Variants in NFATC3 observed in about 807,000 individuals in gnomAD.
The protein encoded by NFATC3 is nuclear factor of activated T cells 3.
In NFATC3, 46 loss-of-function variants were observed where a neutral mutation model predicts 98.6. The observed-to-expected ratio is 0.47, with a 90% CI of 0.37 to 0.60. The LOEUF (loss-of-function observed/expected upper bound fraction) is 0.60, where lower values mean the gene tolerates loss of function less well. NFATC3 is among the 20% of genes least tolerant of loss of function. NFATC3 has a pLI of 0.00. For synonymous variants in NFATC3, 512 were observed against 472.2 expected, an observed-to-expected ratio of 1.08 and a Z score of -1.09; for missense variants, 1,256 against 1,295.5, an observed-to-expected ratio of 0.97 and a Z score of 0.47.
At chr16:68,102,424 T>A (rs2151464779) in intron 1 of NFATC3, among the ~76,000 whole-genome samples, 1 of 150,522 alleles carries the variant, frequency 6.6e-6, no homozygotes, top group Middle Eastern at 3.4e-3. Flanking sequence ...CCCTCACACT[T>A]AATTTTGGCT....
chr16:68,112,903 G>A (rs1196239108), intron 1 of NFATC3, among the ~76,000 whole-genome samples: 1 of 151,678 alleles, frequency 6.6e-6, no homozygotes, highest in Non-Finnish European at 1.5e-5. Context: ...TGGTTGTATT[G>A]TGAAGCTCTC....
intron 4 of NFATC3, among the ~76,000 whole-genome samples, chr16:68,163,842 A>G (rs1374133837): frequency 8.7e-5 from 11 of 126,556 alleles, no homozygotes; most frequent in African/African-American, 1.5e-4. Context: ...CCTAGATGGG[A>G]TGGCGGCCGG....
chr16:68,170,326 G>C (rs1211340826), intron 5 of NFATC3, among the ~76,000 whole-genome samples: 1 of 146,274 alleles, frequency 6.8e-6, no homozygotes, highest in Non-Finnish European at 1.5e-5. Flanking sequence ...GGGAGGCTGG[G>C]TTGCAGTGAG....
intron 3 of NFATC3, among the ~76,000 whole-genome samples, chr16:68,140,176 T>C (rs2037674109): frequency 6.6e-6 from 1 of 152,066 alleles, no homozygotes; most frequent in South Asian, 2.1e-4. Flanking sequence ...TTTTTTGTAT[T>C]TTTAGTAGAG....
intron 9 of NFATC3, among the ~76,000 whole-genome samples, chr16:68,205,488 G>A (rs573224459): frequency 3.9e-5 from 6 of 152,206 alleles, no homozygotes; most frequent in Non-Finnish European, 8.8e-5. Context: ...CAAAGTGCTA[G>A]GATTACAGGC....
chr16:68,174,381 G>A lies in NFATC3; in HGVS notation c.1782G>A (p.Arg594=). The change falls in exon 6 of 10, where the codon CGG becomes CGA. Residue 594 remains arginine, a synonymous_variant. Transcript: ENST00000346183. Reference sequence around the variant, plus strand: ...TAAAAAAATTTAAAACAGCCCAGCGGTCTGCTCAAGAACTTCCTCATATTG... The same window carrying A: ...TAAAAAAATTTAAAACAGCCCAGCGATCTGCTCAAGAACTTCCTCATATTG... The part of the protein sequence containing the change: ...IASIPVECSQ[R]SAQELPHIEK... 2 of 1,488,600 alleles carry A rather than the reference G, an allele frequency of 1.3e-6. No homozygotes were observed. Among genetic ancestry groups the A allele is most frequent in the Non-Finnish European group, 1.8e-6 (2 of 1,119,748 alleles). The allele number at this position is 1,488,600 out of a possible 1,614,324, so 92.2% of individuals were successfully genotyped here.
intron 3 of NFATC3, among the ~76,000 whole-genome samples, chr16:68,143,068 C>T (rs1376099479): frequency 6.6e-6 from 1 of 151,596 alleles, no homozygotes; most frequent in Middle Eastern, 3.4e-3. Context: ...CCTGTCTCTA[C>T]CAAAAAATAA....
At chr16:68,139,000 T>C (rs1010635282) in intron 3 of NFATC3, among the ~76,000 whole-genome samples, 2 of 152,222 alleles carry the variant, frequency 1.3e-5, no homozygotes, top group South Asian at 2.1e-4. Flanking sequence ...TTATTCGATA[T>C]GTATTTTTTG....
intron 9 of NFATC3, chr16:68,218,090 C>T (rs2041705485): frequency 2.1e-6 from 2 of 956,414 alleles, no homozygotes; most frequent in Non-Finnish European, 1.2e-6. Flanking sequence ...GACAGGGTCT[C>T]ACACTGTTGC....
chr16:68,107,548 C>T (rs527255135), intron 1 of NFATC3, among the ~76,000 whole-genome samples: 13 of 152,138 alleles, frequency 8.5e-5, no homozygotes, highest in African/African-American at 2.2e-4. Flanking sequence ...CATGATGAAA[C>T]GTCATCTCTA....
At chr16:68,098,800 C>G (rs1046302121) in intron 1 of NFATC3, among the ~76,000 whole-genome samples, 2 of 152,138 alleles carry the variant, frequency 1.3e-5, no homozygotes, top group Admixed American at 1.3e-4. Flanking sequence ...TGCTCTTGAA[C>G]ATCTTTTTAT....
intron 4 of NFATC3, among the ~76,000 whole-genome samples, chr16:68,161,525 C>T (rs887002614): frequency 6.6e-6 from 1 of 152,170 alleles, no homozygotes; most frequent in South Asian, 2.1e-4. Flanking sequence ...CACACACAAA[C>T]ACAGTCCTTT....
At chr16:68,151,438 G>A (rs1225603426) in intron 3 of NFATC3, among the ~76,000 whole-genome samples, 1 of 152,058 alleles carries the variant, frequency 6.6e-6, no homozygotes, top group Non-Finnish European at 1.5e-5. Flanking sequence ...TCTTTACATG[G>A]TAAGTTGTAC....
intron 9 of NFATC3, among the ~76,000 whole-genome samples, chr16:68,204,830 A>G (rs2041077832): frequency 6.6e-6 from 1 of 152,196 alleles, no homozygotes. Context: ...AATGAGAGAT[A>G]AATTGTTTAA....
At chr16:68,100,786 T>G (rs76125094) in intron 1 of NFATC3, among the ~76,000 whole-genome samples, 1 of 151,968 alleles carries the variant, frequency 6.6e-6, no homozygotes, top group East Asian at 1.9e-4. Context: ...GACCATTGTT[T>G]TATGTGATTT....
rs919853777 is a variant in NFATC3, at chr16:68,124,407, C to T, written c.1238+1286C>T. 1.1e-4 allele frequency among the ~76,000 whole-genome samples: 17 copies of T among 148,648 alleles called. No individual in the cohort carries two copies. In the East Asian group the frequency reaches 1.8e-3, roughly 16 times the overall value. ...GATTACAGGCAGGAGCCACTGTGCC[C>T]GGCCAGGGGTTTTTCTTTTCTTTCT... On this transcript the variant is annotated intron_variant, in intron 2 of 9. Coordinates refer to ENST00000346183, the MANE Select transcript of NFATC3 (RefSeq NM_173165.3).
rs115594705 is a variant in NFATC3, at chr16:68,188,166, T to C, written c.2099-2602T>C. 2.6e-3 allele frequency among the ~76,000 whole-genome samples: 395 copies of C among 152,158 alleles called. 3 individuals carry two copies. Among genetic ancestry groups the C allele is most frequent in the African/African-American group, 9.0e-3 (375 of 41,526 alleles). ...CCTCAACCTCGCTCCAAGATTGAAATGGGCACCAGGAGCAGGGAGGGGCCA... is the reference window on the plus strand; with the variant it reads ...CCTCAACCTCGCTCCAAGATTGAAACGGGCACCAGGAGCAGGGAGGGGCCA... On this transcript the variant is annotated intron_variant, in intron 8 of 9. Coordinates refer to ENST00000346183, the MANE Select transcript of NFATC3 (RefSeq NM_173165.3).
Position 68,191,445 on chromosome 16 carries a change from G to A in NFATC3, c.2776G>A (p.Ala926Thr). The stretch of plus-strand genomic sequence containing the variant: ...TTCACATTCAGGGTCTGCTACAACA[G>A]CTTCCCCAGCAGCTTCTCATCCCTT... ...GPSHSGSATTASPAASHPLAS... is the reference protein window; with the variant it reads ...GPSHSGSATTTSPAASHPLAS... Residue 926 changes from alanine to threonine, a missense_variant, in exon 9 of 10, where the codon GCT (alanine) becomes ACT (threonine). By Grantham distance (58) the Ala-to-Thr change is moderately conservative (BLOSUM62 0). Around this residue, in one of 3 missense-constraint regions of NFATC3, gnomAD observed 636 missense variants for 617.3 expected, o/e 1.03. Transcript: ENST00000346183. The A allele has an allele frequency of 6.2e-7, 1 of 1,614,082 alleles. No homozygotes were observed. Among genetic ancestry groups the A allele is most frequent in the Non-Finnish European group, 8.5e-7 (1 of 1,180,030 alleles).
In NFATC3 at chr16:68,088,950, A is replaced by G. The variant is rs1488733943; in HGVS notation, c.103+3166A>G. 3 of 985,064 alleles carry G rather than the reference A, an allele frequency of 3.0e-6. No individual in the cohort carries two copies. The African/African-American group carries it at 5.2e-5, about 17-fold the overall frequency. The allele number at this position is 985,064 out of a possible 1,614,324, so 61.0% of individuals were successfully genotyped here. On this transcript the variant is annotated intron_variant, in intron 1 of 9. Coordinates refer to ENST00000346183, the MANE Select transcript of NFATC3 (RefSeq NM_173165.3). The stretch of plus-strand genomic sequence containing the variant: ...AATGCTGGGATTACAGGTGTGAGCC[A>G]CTGCACATAGCCCCTATATTTTGTT...
Sources: allele counts gnomAD v4.1 joint callset (sites outside exome capture counted in the v4.1 genomes callset), GRCh38; gene constraint gnomAD v4.1.1; regional missense constraint gnomAD v4.1.1; transcripts MANE v1.5; gene names NCBI Gene and HGNC (gene_info 2026-07-23, HGNC 2026-07-21).